Variants in RBM5 observed in about 807,000 individuals in gnomAD.
The protein encoded by RBM5 is RNA binding motif protein 5, also known as RNA-binding protein 5.
RBM5 carries 15 observed loss-of-function variants against 124.6 expected under a neutral mutation model. The observed-to-expected ratio is 0.12, with a 90% confidence interval of 0.08 to 0.19. The LOEUF (loss-of-function observed/expected upper bound fraction) is 0.19, where lower values mean the gene tolerates loss of function less well. Ranked by LOEUF, RBM5 falls within the 10% of genes least tolerant of loss-of-function variation. RBM5 has a pLI of 1.00. For missense variants in RBM5, 580 were observed against 1,026.5 expected (o/e 0.57, Z 5.94); for synonymous variants, 337 against 361.2 (o/e 0.93, Z 0.76).
intron 2 of RBM5, among the ~76,000 whole-genome samples, chr3:50,090,966 C>A (rs992342360): frequency 6.6e-6 from 1 of 152,200 alleles, no homozygotes; most frequent in South Asian, 2.1e-4. Context: ...CTGTGTGTTA[C>A]ATGAAGAAAG....
intron 12 of RBM5, 64 bp downstream of exon 12, chr3:50,107,633 C>A: frequency 9.5e-7 from 1 of 1,053,024 alleles, no homozygotes; most frequent in Non-Finnish European, 1.5e-6. Context: ...ACAGACGTGA[C>A]CTCTCCTGTG....
intron 1 of RBM5, among the ~76,000 whole-genome samples, chr3:50,089,482 C>CT (rs2090662305): frequency 6.6e-6 from 1 of 152,216 alleles, no homozygotes; most frequent in Non-Finnish European, 1.5e-5. Context: ...GGAGGGCAGG[C>CT]CGGACGCTGG....
At chr3:50,115,768 A>G in intron 21 of RBM5, 138 bp from the exon 22 acceptor site, 2 of 1,171,414 alleles carry the variant, frequency 1.7e-6, no homozygotes. Context: ...AGCTCCACAC[A>G]CATCAAACTA....
chr3:50,090,869 G>A (rs2090689740), intron 2 of RBM5, among the ~76,000 whole-genome samples: 1 of 152,224 alleles, frequency 6.6e-6, no homozygotes, highest in Non-Finnish European at 1.5e-5. Flanking sequence ...GTTCCTGGCT[G>A]TGGTAAGCAA....
chr3:50,116,088 C>G (rs753833131), intron 22 of RBM5, 108 bp downstream of exon 22: 14 of 1,068,534 alleles, frequency 1.3e-5, no homozygotes, highest in Non-Finnish European at 1.9e-5. Flanking sequence ...GAGGATTTGT[C>G]ATACCCTTGT....
chr3:50,108,753 C>G (rs1303772751), intron 14 of RBM5, among the ~76,000 whole-genome samples: 1 of 152,124 alleles, frequency 6.6e-6, no homozygotes, highest in Non-Finnish European at 1.5e-5. Context: ...GGGCTGTCAT[C>G]ATGTACCCAA....
intron 17 of RBM5, among the ~76,000 whole-genome samples, chr3:50,111,877 G>T (rs1402050041): frequency 6.6e-6 from 1 of 151,998 alleles, no homozygotes; most frequent in Non-Finnish European, 1.5e-5. Flanking sequence ...TTATGACCGG[G>T]AGCTGTATAT....
chr3:50,095,797 T>C (rs554067062), intron 4 of RBM5, among the ~76,000 whole-genome samples: 1 of 152,218 alleles, frequency 6.6e-6, no homozygotes, highest in East Asian at 1.9e-4. Context: ...TAGTCACCTC[T>C]GTGTCCCCAA....
chr3:50,095,226 T>C (rs1246626108), intron 4 of RBM5, among the ~76,000 whole-genome samples: 1 of 152,140 alleles, frequency 6.6e-6, no homozygotes, highest in Non-Finnish European at 1.5e-5. Context: ...TAAATTACCA[T>C]ATTTAGGCTT....
chr3:50,110,492 A>T (rs1398206777), intron 16 of RBM5, 29 bp downstream of exon 16: 1 of 1,592,430 alleles, frequency 6.3e-7, no homozygotes, highest in Non-Finnish European at 8.6e-7. Context: ...GGCTGTTGAC[A>T]GTTGGAAGGT....
intron 1 of RBM5, among the ~76,000 whole-genome samples, chr3:50,089,656 G>A (rs1344413302): frequency 1.3e-5 from 2 of 152,196 alleles, no homozygotes; most frequent in East Asian, 3.8e-4. Context: ...AAATCGTTGA[G>A]CATTCGCTCT....
intron 1 of RBM5, chr3:50,090,087 A>G (rs188183336): frequency 2.8e-5 from 6 of 214,476 alleles, no homozygotes. Flanking sequence ...TTGCTTTGTA[A>G]TTCTAAGGTA....
Position 50,100,179 on chromosome 3 carries a change from G to C in RBM5, c.409+128G>C. On this transcript the variant is annotated intron_variant, in intron 5 of 24. Coordinates refer to ENST00000347869, the MANE Select transcript of RBM5 (RefSeq NM_005778.4). This position sits in a 1 kb window ranked among gnomAD's most constrained non-coding sequence, Gnocchi z 5.1. ...AGAATGAAAGGTTTGCCATGGCTAA[G>C]GAATGTGACTCTTTGAAAACCATGT... The C allele has an allele frequency of 1.2e-6, 1 of 862,542 alleles. No homozygotes were observed. The allele number at this position is 862,542 out of a possible 1,614,324, so 53.4% of individuals were successfully genotyped here. A position where few individuals can be genotyped will look rare whatever the true frequency, so the allele number is the denominator to read the frequency against.
At position 50,100,280 on chromosome 3, in the gene RBM5, C is replaced by T. The variant is rs539700406; in HGVS notation, c.409+229C>T. On this transcript the variant is annotated intron_variant, in intron 5 of 24. Coordinates refer to ENST00000347869, the MANE Select transcript of RBM5 (RefSeq NM_005778.4). This position sits in a 1 kb window ranked among gnomAD's most constrained non-coding sequence, Gnocchi z 5.1. ...TAGGTAAGTAATGATTTATAAACTC[C>T]TTTTTTTTTTTGACTATAGTCGGTT... The T allele has an allele frequency of 2.2e-5, 10 of 447,674 alleles. No individual in the cohort carries two copies. The highest frequency in any genetic ancestry group is 4.1e-5 in the African/African-American group (2 of 48,486). 27.7% of individuals were successfully genotyped at this position (447,674 alleles called of 1,614,324 possible). A position where few individuals can be genotyped will look rare whatever the true frequency, so the allele number is the denominator to read the frequency against.
rs1161758934 is a variant in RBM5 at position 50,105,767 on chromosome 3, G to A, written c.855+58G>A. The A allele has an allele frequency of 2.6e-6, 4 of 1,567,668 alleles. No individual in the cohort carries two copies. The East Asian group carries it at 9.1e-5, about 36-fold the overall frequency. Reference sequence around the variant, plus strand: ...AGAAACAGCTTTAAGAGGCAAATGTGGTTCATCCAGTTTTGAAACTGTCTG... The same window carrying A: ...AGAAACAGCTTTAAGAGGCAAATGTAGTTCATCCAGTTTTGAAACTGTCTG... On this transcript the variant is annotated intron_variant, in intron 10 of 24. Transcript: ENST00000347869.
chr3:50,093,630 C>T, intron 3 of RBM5, 90 bp from the exon 4 acceptor site: 1 of 1,421,490 alleles, frequency 7.0e-7, no homozygotes, highest in Non-Finnish European at 9.7e-7. Context: ...TCTCTGTACA[C>T]TTCCTGCTAA....
intron 3 of RBM5, chr3:50,093,032 A>T: frequency 4.5e-6 from 1 of 220,884 alleles, no homozygotes. Context: ...TCAGCTACTC[A>T]GGAGGCTGAG....
intron 14 of RBM5, among the ~76,000 whole-genome samples, chr3:50,109,044 A>C (rs1279197427): frequency 1.3e-5 from 2 of 152,082 alleles, no homozygotes; most frequent in Non-Finnish European, 2.9e-5. Flanking sequence ...TCAACCCCAG[A>C]GCAAATATAG....
At chr3:50,104,569 G>A (rs960132097) in intron 8 of RBM5, 24 of 431,968 alleles carry the variant, frequency 5.6e-5, no homozygotes, top group African/African-American at 4.6e-4. Context: ...CTTGAGTCCA[G>A]GAGTTGAAGG....
Sources: gnomAD v4.1 joint callset for allele counts (sites outside exome capture counted in the v4.1 genomes callset) on GRCh38, gnomAD v4.1.1 for gene constraint, Gnocchi (gnomAD v3.1) non-coding constraint, MANE v1.5 for transcripts, NCBI Gene and HGNC (gene_info 2026-07-23, HGNC 2026-07-21) for gene names.